Variants in ARL11 observed in about 807,000 individuals in gnomAD.
The protein encoded by ARL11 is ARF like GTPase 11.
For synonymous variants in ARL11, 91 were observed against 111.2 expected, an observed-to-expected ratio of 0.82 and a Z score of 1.15; for missense variants, 239 against 250.6, an observed-to-expected ratio of 0.95 and a Z score of 0.31.
In ARL11 at chr13:49,631,686, C is replaced by A. The variant is rs1022790588; in HGVS notation, c.*648C>A. The A allele has an allele frequency of 6.0e-6, 1 of 165,612 alleles. No individual in the cohort carries two copies. The highest frequency in any genetic ancestry group is 1.5e-5 in the Non-Finnish European group (1 of 67,924). 10.3% of individuals were successfully genotyped at this position (165,612 alleles called of 1,614,324 possible). A position where few individuals can be genotyped will look rare whatever the true frequency, so the allele number is the denominator to read the frequency against. ...TGAAACCCCATCTCTACTGAAAATA[C>A]AAAAATTAGGCATAGTGGTGCACGC... is the stretch of plus-strand genomic sequence containing the variant. On this transcript the variant is annotated 3_prime_UTR_variant, in exon 2 of 2. Coordinates refer to ENST00000282026, the MANE Select transcript of ARL11 (RefSeq NM_138450.6).
Position 49,633,410 on chromosome 13 carries a change from C to T in ARL11, c.*2372C>T, listed in dbSNP as rs779129922. On this transcript the variant is annotated 3_prime_UTR_variant, in exon 2 of 2. Transcript: ENST00000282026. ...CAAAACTGGAATGGGAGTTTAGGTCCAATTTGGGCAAGGTTGTTTGAATTT... is the reference window on the plus strand; with the variant it reads ...CAAAACTGGAATGGGAGTTTAGGTCTAATTTGGGCAAGGTTGTTTGAATTT... 1.8e-5 allele frequency: 3 copies of T among 166,972 alleles called. No individual in the cohort carries two copies. Among genetic ancestry groups the T allele is most frequent in the Non-Finnish European group, 2.9e-5 (2 of 68,100 alleles). The allele number at this position is 166,972 out of a possible 1,614,324, so 10.3% of individuals were successfully genotyped here. A position where few individuals can be genotyped will look rare whatever the true frequency, so the allele number is the denominator to read the frequency against.
chr13:49,631,021 G>C lies in ARL11; in HGVS notation c.574G>C (p.Asp192His), dbSNP rs577463512. 1 of 1,584,074 alleles carries C rather than the reference G, an allele frequency of 6.3e-7. No individual in the cohort carries two copies. The highest frequency in any genetic ancestry group is 1.3e-5 in the African/African-American group (1 of 74,288). ...GAGAGCCCATGGGGCTGAGCGCGGA[G>C]ACAGCAAGAGATCTTGATCCAGACA... ...QARAHGAERGDSKRS is the reference protein window; with the variant it reads ...QARAHGAERGHSKRS Residue 192 changes from aspartate (D) to histidine (H), a missense_variant, in exon 2 of 2, where the codon GAC becomes CAC. Transcript: ENST00000282026.
At chr13:49,629,870 G>T (rs763709976) in intron 1 of ARL11, among the ~76,000 whole-genome samples, 7 of 152,194 alleles carry the variant, frequency 4.6e-5, no homozygotes, top group Non-Finnish European at 1.0e-4. Context: ...CTCACTCTGT[G>T]CATGGAACCC....
chr13:49,630,718 A>G lies in ARL11; in HGVS notation c.271A>G (p.Thr91Ala), dbSNP rs200663291. ...TDILVYVLDS[T>A]DEARLPESAA... ...TATCCTCGTGTACGTGCTGGACAGC[A>G]CAGATGAAGCCCGCTTACCCGAGTC... is the stretch of plus-strand genomic sequence containing the variant. Residue 91 changes from threonine to alanine, a missense_variant, in exon 2 of 2, where the codon ACA (threonine) becomes GCA (alanine). By Grantham distance (58) the Thr-to-Ala change is moderately conservative. Transcript: ENST00000282026. 1 of 1,614,166 alleles carries G rather than the reference A, an allele frequency of 6.2e-7. No homozygotes were observed. Among genetic ancestry groups the G allele is most frequent in the Non-Finnish European group, 8.5e-7 (1 of 1,180,040 alleles).
At position 49,630,738 on chromosome 13, in the gene ARL11, C is replaced by G. The variant is rs780101758; in HGVS notation, c.291C>G (p.Pro97=). 1 of 1,614,090 alleles carries G rather than the reference C, an allele frequency of 6.2e-7. No individual in the cohort carries two copies. Residue 97 remains proline (P), a synonymous_variant, in exon 2 of 2, where the codon CCC becomes CCG. Transcript: ENST00000282026. ...VLDSTDEARL[P]ESAAELTEVL... ...ACAGCACAGATGAAGCCCGCTTACC[C>G]GAGTCGGCGGCTGAGCTCACAGAAG...
rs1055103661 is a variant in ARL11, at chr13:49,633,128, G to C, written c.*2090G>C. ...GACCTCTTGTTGCTTGAGGCACAGA[G>C]TTATAAAGTAACATATCTGGAATTT... On this transcript the variant is annotated 3_prime_UTR_variant, in exon 2 of 2. Coordinates refer to ENST00000282026, the MANE Select transcript of ARL11 (RefSeq NM_138450.6). 3 of 166,676 alleles carry C rather than the reference G, an allele frequency of 1.8e-5. No individual in the cohort carries two copies. The highest frequency in any genetic ancestry group is 2.9e-5 in the Non-Finnish European group (2 of 68,128). The allele number at this position is 166,676 out of a possible 1,614,324, so 10.3% of individuals were successfully genotyped here.
Position 49,630,899 on chromosome 13 carries a change from T to C in ARL11, c.452T>C (p.Leu151Pro), listed in dbSNP as rs1339136847. ...AGATTCCAGGACCACTGCTGGGAGCTCCGGGGCTGCAGTGCCCTCACTGGG... is the reference window on the plus strand; with the variant it reads ...AGATTCCAGGACCACTGCTGGGAGCCCCGGGGCTGCAGTGCCCTCACTGGG... ...LERFQDHCWE[L>P]RGCSALTGEG... Residue 151 changes from leucine to proline, a missense_variant, in exon 2 of 2, where the codon CTC (leucine) becomes CCC (proline). Coordinates refer to ENST00000282026, the MANE Select transcript of ARL11 (RefSeq NM_138450.6). The C allele has an allele frequency of 1.9e-6, 3 of 1,590,368 alleles. No individual in the cohort carries two copies. Among genetic ancestry groups the C allele is most frequent in the Non-Finnish European group, 2.6e-6 (3 of 1,164,880 alleles).
In ARL11 at chr13:49,631,383, C is replaced by T. The variant is rs1436553263; in HGVS notation, c.*345C>T. The T allele has an allele frequency of 5.3e-5, 10 of 188,284 alleles. No individual in the cohort carries two copies. In the East Asian group the frequency reaches 1.6e-3, roughly 31 times the overall value. 11.7% of individuals were successfully genotyped at this position (188,284 alleles called of 1,614,324 possible). A position where few individuals can be genotyped will look rare whatever the true frequency, so the allele number is the denominator to read the frequency against. ...TCGCGCCACTGCACTCCAGTCTGGGCAACAGAGTGAGACCCTGTCTCAATA... is the reference window on the plus strand; with the variant it reads ...TCGCGCCACTGCACTCCAGTCTGGGTAACAGAGTGAGACCCTGTCTCAATA... On this transcript the variant is annotated 3_prime_UTR_variant, in exon 2 of 2. Coordinates refer to ENST00000282026, the MANE Select transcript of ARL11 (RefSeq NM_138450.6).
Position 49,630,414 on chromosome 13 carries a change from G to T in ARL11, c.-18-16G>T, listed in dbSNP as rs200324318. On this transcript the variant is annotated splice_polypyrimidine_tract_variant and intron_variant, in intron 1 of 1. Transcript: ENST00000282026. ...GAAGACAGTAGCTGATGTGTGCCCT[G>T]GCCTTTCTCCCCTAGGATTCAGCAG... The T allele has an allele frequency of 3.9e-6, 6 of 1,537,856 alleles. No homozygotes were observed. The African/African-American group carries it at 8.2e-5, about 21-fold the overall frequency.
chr13:49,631,016 G>A lies in ARL11; in HGVS notation c.569G>A (p.Arg190His), dbSNP rs574095059. ...CLQARAHGAERGDSKRS is the reference protein window; with the variant it reads ...CLQARAHGAEHGDSKRS ...CAGGCGAGAGCCCATGGGGCTGAGC[G>A]CGGAGACAGCAAGAGATCTTGATCC... The change falls in exon 2 of 2, where the codon CGC (arginine) becomes CAC (histidine). Residue 190 changes from arginine to histidine, a missense_variant. By Grantham distance (29) the Arg-to-His change is conservative. Coordinates refer to ENST00000282026, the MANE Select transcript of ARL11 (RefSeq NM_138450.6). The A allele has an allele frequency of 7.9e-5, 125 of 1,589,888 alleles. No individual in the cohort carries two copies. In the East Asian group the frequency reaches 2.4e-3, roughly 31 times the overall value.
rs1312272236 is a variant in ARL11 at position 49,630,684 on chromosome 13, AG to A, written c.239del (p.Gly80AlafsTer28). 1 of 1,614,158 alleles carries A rather than the reference AG, an allele frequency of 6.2e-7. No homozygotes were observed. The highest frequency in any genetic ancestry group is 1.6e-4 in the Middle Eastern group (1 of 6,062). ...LRASWKDYLE[G>X]TDILVYVLDS... ...GAGCCAGCTGGAAGGACTATCTGGAAGGCACAGATATCCTCGTGTACGTGCT... is the reference window on the plus strand; with the variant it reads ...GAGCCAGCTGGAAGGACTATCTGGAAGCACAGATATCCTCGTGTACGTGCT... On this transcript the variant is annotated frameshift_variant, in exon 2 of 2. Transcript: ENST00000282026. LOFTEE classifies it low-confidence loss of function (END_TRUNC).
At position 49,632,027 on chromosome 13, in the gene ARL11, C is replaced by T. The variant is rs1251763801; in HGVS notation, c.*989C>T. On this transcript the variant is annotated 3_prime_UTR_variant, in exon 2 of 2. Coordinates refer to ENST00000282026, the MANE Select transcript of ARL11 (RefSeq NM_138450.6). Reference sequence around the variant, plus strand: ...CGTTCCCTGCCCTGGGACGCTCACCCCTGGGCAAGAGGCTGGAAGTTCACA... The same window carrying T: ...CGTTCCCTGCCCTGGGACGCTCACCTCTGGGCAAGAGGCTGGAAGTTCACA... The T allele has an allele frequency of 6.0e-6, 1 of 166,974 alleles. No individual in the cohort carries two copies. The highest frequency in any genetic ancestry group is 1.9e-4 in the East Asian group (1 of 5,182). 10.3% of individuals were successfully genotyped at this position (166,974 alleles called of 1,614,324 possible). A position where few individuals can be genotyped will look rare whatever the true frequency, so the allele number is the denominator to read the frequency against.
rs1964877902 is a variant in ARL11 at position 49,630,861 on chromosome 13, G to A, written c.414G>A (p.Arg138=). The change falls in exon 2 of 2, where the codon AGG becomes AGA. Residue 138 remains arginine (R), a synonymous_variant. Coordinates refer to ENST00000282026, the MANE Select transcript of ARL11 (RefSeq NM_138450.6). ...DALPLLKIRN[R]LSLERFQDHC... ...TTCCGCTGCTTAAGATCAGAAACAGGCTGAGTCTAGAGAGATTCCAGGACC... is the reference window on the plus strand; with the variant it reads ...TTCCGCTGCTTAAGATCAGAAACAGACTGAGTCTAGAGAGATTCCAGGACC... The A allele has an allele frequency of 6.3e-7, 1 of 1,598,306 alleles. No homozygotes were observed. Among genetic ancestry groups the A allele is most frequent in the South Asian group, 1.1e-5 (1 of 89,362 alleles).
rs2137463151 is a variant in ARL11 at position 49,633,544 on chromosome 13, G to C, written c.*2506G>C. 1.2e-5 allele frequency: 2 copies of C among 167,252 alleles called. No homozygotes were observed. Among genetic ancestry groups the C allele is most frequent in the East Asian group, 3.9e-4 (2 of 5,190 alleles). 10.4% of individuals were successfully genotyped at this position (167,252 alleles called of 1,614,324 possible). ...AATAAAGAGAAAAGGGAACCTTGGA[G>C]CTGGGAAGGCAGGAAACCGGCTAGA... On this transcript the variant is annotated 3_prime_UTR_variant, in exon 2 of 2. Transcript: ENST00000282026.
At position 49,631,489 on chromosome 13, in the gene ARL11, G is replaced by T. The variant is rs1380870418; in HGVS notation, c.*451G>T. On this transcript the variant is annotated 3_prime_UTR_variant, in exon 2 of 2. Transcript: ENST00000282026. ...TAATAGCTCGTTACCAAGTGTGAAT[G>T]AAGCAATATGTCATAATAGAGTAGC... is the stretch of plus-strand genomic sequence containing the variant. The T allele has an allele frequency of 1.2e-5, 2 of 168,312 alleles. No individual in the cohort carries two copies. The highest frequency in any genetic ancestry group is 2.0e-4 in the South Asian group (1 of 4,940). 10.4% of individuals were successfully genotyped at this position (168,312 alleles called of 1,614,324 possible).
rs77404715 is a variant in ARL11 at position 49,631,183 on chromosome 13, G to A, written c.*145G>A. 1.4e-6 allele frequency: 1 copy of A among 696,226 alleles called. No homozygotes were observed. Among genetic ancestry groups the A allele is most frequent in the Non-Finnish European group, 2.3e-6 (1 of 432,570 alleles). The allele number at this position is 696,226 out of a possible 1,614,324, so 43.1% of individuals were successfully genotyped here. On this transcript the variant is annotated 3_prime_UTR_variant, in exon 2 of 2. Transcript: ENST00000282026. ...AATCCCAGCACTGTGGGAGACCACG[G>A]TGGGGGAATCCCTTGAGCCCAGGAG...
chr13:49,630,840 G>T lies in ARL11; in HGVS notation c.393G>T (p.Pro131=). 4.4e-6 allele frequency: 7 copies of T among 1,603,166 alleles called. No homozygotes were observed. Among genetic ancestry groups the T allele is most frequent in the Non-Finnish European group, 6.0e-6 (7 of 1,172,768 alleles). Reference sequence around the variant, plus strand: ...AGCAGGAGGCACCTGATGCACTTCCGCTGCTTAAGATCAGAAACAGGCTGA... The same window carrying T: ...AGCAGGAGGCACCTGATGCACTTCCTCTGCTTAAGATCAGAAACAGGCTGA... ...ANKQEAPDAL[P]LLKIRNRLSL... Residue 131 remains proline, a synonymous_variant, in exon 2 of 2, where the codon CCG becomes CCT. Transcript: ENST00000282026.
intron 1 of ARL11, among the ~76,000 whole-genome samples, chr13:49,628,966 T>C (rs189485402): frequency 5.1e-4 from 78 of 152,318 alleles, no homozygotes; most frequent in African/African-American, 1.9e-3. Context: ...GTAGTAGCTG[T>C]AATCCCAGGT....
chr13:49,633,062 C>G lies in ARL11; in HGVS notation c.*2024C>G, dbSNP rs1964902302. 1 of 166,906 alleles carries G rather than the reference C, an allele frequency of 6.0e-6. No homozygotes were observed. The highest frequency in any genetic ancestry group is 1.9e-4 in the East Asian group (1 of 5,190). The allele number at this position is 166,906 out of a possible 1,614,324, so 10.3% of individuals were successfully genotyped here. ...CACAACTCTGCAAAATATATATATT[C>G]CCATTTTATAAAACTACAAACTGAG... On this transcript the variant is annotated 3_prime_UTR_variant, in exon 2 of 2. Coordinates refer to ENST00000282026, the MANE Select transcript of ARL11 (RefSeq NM_138450.6).
Sources: allele counts gnomAD v4.1 joint callset (sites outside exome capture counted in the v4.1 genomes callset), GRCh38; gene constraint gnomAD v4.1.1; transcripts MANE v1.5; gene names NCBI Gene and HGNC (gene_info 2026-07-23, HGNC 2026-07-21).